DNAAF11: variants seen among roughly 807,000 people sequenced by gnomAD.
DNAAF11 encodes leucine rich repeat containing 6.
DNAAF11 carries 45 observed loss-of-function variants against 60.8 expected under a neutral mutation model. The observed-to-expected ratio is 0.74, with a 90% CI of 0.58 to 0.95. DNAAF11 has a LOEUF of 0.95. Ranked by LOEUF, DNAAF11 falls within the 40% of genes least tolerant of loss-of-function variation. The pLI is 0.00. For synonymous variants in DNAAF11, 191 were observed against 183.5 expected, an observed-to-expected ratio of 1.04 and a Z score of -0.33; for missense variants, 546 against 546.2, an observed-to-expected ratio of 1.00 and a Z score of 0.00.
chr8:132,628,327 G>A (rs1267898725), intron 5 of DNAAF11, among the ~76,000 whole-genome samples: 4 of 151,968 alleles, frequency 2.6e-5, no homozygotes, highest in Admixed American at 2.0e-4. Context: ...CAAAAGAATC[G>A]CTTGAACCCA....
chr8:132,662,607 A>G (rs1824246742), intron 1 of DNAAF11, among the ~76,000 whole-genome samples: 2 of 152,232 alleles, frequency 1.3e-5, no homozygotes, highest in South Asian at 4.1e-4. Flanking sequence ...ATATATGACT[A>G]TCTGGAGTTA....
chr8:132,608,821 T>C (rs1818364361), intron 10 of DNAAF11, among the ~76,000 whole-genome samples: 3 of 152,242 alleles, frequency 2.0e-5, no homozygotes. Flanking sequence ...CAGCTGTGTT[T>C]GTTATTTTAT....
the DNAAF11 span, among the ~76,000 whole-genome samples, chr8:132,684,043 A>T: frequency 6.6e-6 from 1 of 152,010 alleles, no homozygotes; most frequent in Non-Finnish European, 1.5e-5. Context: ...ACTCCATGGC[A>T]CCCCCTGTTT....
upstream of DNAAF11, chr8:132,675,691 AG>A (rs915908726): frequency 2.1e-6 from 1 of 479,754 alleles, no homozygotes; most frequent in African/African-American, 2.0e-5. Flanking sequence ...ACCGCAGTGA[AG>A]GGGCTCAGCA....
At chr8:132,581,183 A>G (rs903996731) in intron 11 of DNAAF11, among the ~76,000 whole-genome samples, 7 of 152,212 alleles carry the variant, frequency 4.6e-5, no homozygotes, top group Admixed American at 4.6e-4. Context: ...TAAATGTGAA[A>G]AGCAAAAGTA....
intron 1 of DNAAF11, among the ~76,000 whole-genome samples, chr8:132,674,090 G>A (rs1159196534): frequency 1.3e-5 from 2 of 149,418 alleles, no homozygotes; most frequent in Admixed American, 6.6e-5. Flanking sequence ...AGCAGGAGGA[G>A]GAGGAGCAGG....
chr8:132,635,752 C>T (rs558570636), intron 4 of DNAAF11, among the ~76,000 whole-genome samples: 1 of 152,274 alleles, frequency 6.6e-6, no homozygotes, highest in South Asian at 2.1e-4. Context: ...AAATCAGGGA[C>T]TTTCTGGAAA....
chr8:132,661,629 T>C lies in DNAAF11; in HGVS notation c.11-2A>G, dbSNP rs751701145. 6.2e-7 allele frequency: 1 copy of C among 1,613,038 alleles called. No homozygotes were observed. The highest frequency in any genetic ancestry group is 1.7e-5 in the Admixed American group (1 of 60,034). ...TCCGTCTAATAAGATCTTCTGTGAC[T>C]GGAAGAAAATGTGTTACATATTACA... On this transcript the variant is annotated splice_acceptor_variant, in intron 1 of 11. Transcript: ENST00000620350. LOFTEE classifies it high-confidence loss of function.
intron 3 of DNAAF11, among the ~76,000 whole-genome samples, chr8:132,645,978 T>C (rs182589287): frequency 3.1e-3 from 478 of 152,194 alleles, no homozygotes; most frequent in Non-Finnish European, 4.2e-3. Context: ...ATCCAGGAAA[T>C]ACAGAGAATG....
intron 7 of DNAAF11, 37 bp downstream of exon 7, chr8:132,622,574 C>T: frequency 6.7e-7 from 1 of 1,502,210 alleles, no homozygotes; most frequent in Non-Finnish European, 9.2e-7. Flanking sequence ...TTGACTGACA[C>T]TTTTGGGTCT....
intron 3 of DNAAF11, among the ~76,000 whole-genome samples, chr8:132,639,761 C>G (rs943692838): frequency 1.3e-5 from 2 of 152,082 alleles, no homozygotes; most frequent in Non-Finnish European, 2.9e-5. Flanking sequence ...TATAGCACCT[C>G]TCTATATCCA....
At chr8:132,626,049 TTTTTTTTC>T (rs1820243140) in intron 5 of DNAAF11, among the ~76,000 whole-genome samples, 1 of 132,368 alleles carries the variant, frequency 7.6e-6, no homozygotes, top group African/African-American at 4.0e-5. Flanking sequence ...TGGCACCTTC[TTTTTTTTC>T]TTTTTTTTTT....
the DNAAF11 span, among the ~76,000 whole-genome samples, chr8:132,696,581 A>G: frequency 6.6e-6 from 1 of 152,336 alleles, no homozygotes; most frequent in African/African-American, 2.4e-5. Flanking sequence ...TTCTACTATA[A>G]AAAGTAATGA....
At chr8:132,636,314 G>T (rs765968975) in intron 4 of DNAAF11, among the ~76,000 whole-genome samples, 1 of 152,020 alleles carries the variant, frequency 6.6e-6, no homozygotes, top group South Asian at 2.1e-4. Context: ...AATTTAACCC[G>T]GAGAGAAGCA....
intron 10 of DNAAF11, among the ~76,000 whole-genome samples, chr8:132,601,092 C>G (rs777878280): frequency 6.6e-6 from 1 of 152,168 alleles, no homozygotes; most frequent in Admixed American, 6.5e-5. Context: ...AATCAAACAA[C>G]TCCATCAAAA....
chr8:132,607,817 G>T (rs992525342), intron 10 of DNAAF11, among the ~76,000 whole-genome samples: 2 of 151,804 alleles, frequency 1.3e-5, no homozygotes, highest in Non-Finnish European at 2.9e-5. Context: ...CATATTAAAC[G>T]GTCACACACA....
At chr8:132,621,558 C>A (rs559763177) in intron 7 of DNAAF11, among the ~76,000 whole-genome samples, 1 of 152,034 alleles carries the variant, frequency 6.6e-6, no homozygotes. Context: ...CATGGAGTTC[C>A]GAGAGTCTCC....
At position 132,572,344 on chromosome 8, in the gene DNAAF11, T is replaced by C; in HGVS notation, c.1363A>G (p.Thr455Ala). The C allele has an allele frequency of 3.1e-6, 5 of 1,613,844 alleles. No homozygotes were observed. Among genetic ancestry groups the C allele is most frequent in the East Asian group, 2.2e-5 (1 of 44,866 alleles). Residue 455 changes from threonine to alanine, a missense_variant, in exon 12 of 12, where the codon ACC becomes GCC. Thr to Ala is a moderately conservative substitution (Grantham distance 58, BLOSUM62 0). Coordinates refer to ENST00000620350, the MANE Select transcript of DNAAF11 (RefSeq NM_012472.6). ...GGCACTTCAGGGTTGTCTTCAAAGGTTGGGTCTTCCTCACTTGGTATAATT... is the reference window on the plus strand; with the variant it reads ...GGCACTTCAGGGTTGTCTTCAAAGGCTGGGTCTTCCTCACTTGGTATAATT... Reference protein sequence around the residue: ...PKIIPSEEDPTFEDNPEVPPL... With the variant: ...PKIIPSEEDPAFEDNPEVPPL...
At chr8:132,693,835 C>T in the DNAAF11 span, among the ~76,000 whole-genome samples, 2 of 152,086 alleles carry the variant, frequency 1.3e-5, no homozygotes, top group African/African-American at 4.8e-5. Context: ...CAGGGAAGGG[C>T]ATGGTGACCC....
Sources: gnomAD v4.1 joint callset for allele counts (sites outside exome capture counted in the v4.1 genomes callset) on GRCh38, gnomAD v4.1.1 for gene constraint, MANE v1.5 for transcripts, NCBI Gene and HGNC (gene_info 2026-07-23, HGNC 2026-07-21) for gene names.